ARNT: variants seen among roughly 807,000 people sequenced by gnomAD.
ARNT encodes the protein class E basic helix-loop-helix protein 2.
In ARNT, 30 loss-of-function variants were observed where a neutral mutation model predicts 105.0. The observed-to-expected ratio is 0.29, with a 90% CI of 0.21 to 0.39. The LOEUF (loss-of-function observed/expected upper bound fraction) is 0.39, where lower values mean the gene tolerates loss of function less well. Ranked by LOEUF, ARNT falls within the 10% of genes least tolerant of loss-of-function variation. The pLI, the probability that ARNT is intolerant of heterozygous loss-of-function variation, is 1.00. For synonymous variants in ARNT, 304 were observed against 344.0 expected, an observed-to-expected ratio of 0.88 and a Z score of 1.29; for missense variants, 748 against 978.7, an observed-to-expected ratio of 0.76 and a Z score of 3.15.
intron 2 of ARNT, among the ~76,000 whole-genome samples, chr1:150,853,535 T>C (rs1411268226): frequency 6.6e-6 from 1 of 152,210 alleles, no homozygotes; most frequent in African/African-American, 2.4e-5. Flanking sequence ...TGATCTTACA[T>C]AAAGGAGTGA....
Position 150,834,642 on chromosome 1 carries a change from T to C in ARNT, c.701-2A>G. 6.2e-7 allele frequency: 1 copy of C among 1,613,562 alleles called. No homozygotes were observed. Among genetic ancestry groups the C allele is most frequent in the Non-Finnish European group, 8.5e-7 (1 of 1,179,622 alleles). ...CAGTCTTTAGATCCAGGATACGCCC[T>C]GAAGGAAGATGTGAAGAGCAGTCTG... On this transcript the variant is annotated splice_acceptor_variant, in intron 7 of 21. Coordinates refer to ENST00000358595, the MANE Select transcript of ARNT (RefSeq NM_001668.4). LOFTEE classifies it high-confidence loss of function.
intron 14 of ARNT, 33 bp from the exon 15 acceptor site, chr1:150,818,063 T>C: frequency 1.6e-6 from 2 of 1,269,440 alleles, no homozygotes; most frequent in African/African-American, 1.8e-5. Flanking sequence ...AAAGAGGGGG[T>C]GGAGAGGGAG....
chr1:150,814,320 T>G, intron 19 of ARNT, 81 bp from the exon 20 acceptor site: 2 of 1,343,392 alleles, frequency 1.5e-6, no homozygotes, highest in Non-Finnish European at 2.1e-6. Flanking sequence ...GAGTCAACAC[T>G]GTCAATCACT....
chr1:150,865,691 G>C (rs139795568), intron 1 of ARNT, among the ~76,000 whole-genome samples: 1 of 152,296 alleles, frequency 6.6e-6, no homozygotes, highest in East Asian at 1.9e-4. Flanking sequence ...AAAGGTGAAA[G>C]TGAGGGACCC....
chr1:150,813,721 C>A (rs587648334), intron 20 of ARNT, among the ~76,000 whole-genome samples: 1 of 151,676 alleles, frequency 6.6e-6, no homozygotes, highest in African/African-American at 2.4e-5. Flanking sequence ...CTCAGCTCAC[C>A]GCAACCTCTG....
Position 150,829,200 on chromosome 1 carries a change from T to A in ARNT, c.1060A>T (p.Met354Leu), listed in dbSNP as rs199767293. 7.4e-6 allele frequency: 12 copies of A among 1,614,042 alleles called. No homozygotes were observed. The highest frequency in any genetic ancestry group is 2.2e-5 in the East Asian group (1 of 44,896). Residue 354 changes from methionine (M) to leucine (L), a missense_variant, in exon 12 of 22, where the codon ATG (methionine) becomes TTG (leucine). By Grantham distance (15) the Met-to-Leu change is conservative. Around this residue, in one of 4 missense-constraint regions of ARNT, gnomAD observed 291 missense variants for 444.6 expected, o/e 0.65. Coordinates refer to ENST00000358595, the MANE Select transcript of ARNT (RefSeq NM_001668.4). ...TCTGTTGGTTGACAAACATTACTCA[T>A]GTCTGTACAGTTGGGAGAACTAGTT... The part of the protein sequence containing the change: ...QVTSSPNCTD[M>L]SNVCQPTEFI...
chr1:150,842,118 G>A (rs376906243), intron 5 of ARNT: 91 of 226,040 alleles, frequency 4.0e-4, no homozygotes, highest in African/African-American at 1.8e-3. Context: ...CAACTGGCAC[G>A]GTTGCATTCC....
At chr1:150,851,414 G>C (rs1286697807) in intron 3 of ARNT, among the ~76,000 whole-genome samples, 3 of 152,174 alleles carry the variant, frequency 2.0e-5, no homozygotes, top group South Asian at 4.1e-4. Flanking sequence ...TTGTCGAATA[G>C]AAAAGGGGGA....
chr1:150,834,804 A>T (rs1660001971), intron 7 of ARNT, 164 bp from the exon 8 acceptor site: 1 of 540,632 alleles, frequency 1.8e-6, no homozygotes, highest in Non-Finnish European at 3.4e-6. Context: ...TCAAGCCTAA[A>T]ATACTTCAAT....
intron 3 of ARNT, among the ~76,000 whole-genome samples, chr1:150,848,678 A>G (rs1009515848): frequency 3.9e-5 from 6 of 151,934 alleles, no homozygotes; most frequent in African/African-American, 1.5e-4. Context: ...ACAGGCACAC[A>G]CCAGCACTTC....
rs761957127 is a variant in ARNT at position 150,876,569 on chromosome 1, G to C, written c.-2C>G. ...GGGGTTGGCAGTAGTCGCCGCCATG[G>C]CCGCAGATGCCACCGCCGCCGCGCC... On this transcript the variant is annotated 5_prime_UTR_variant, in exon 1 of 22. Transcript: ENST00000358595. The C allele has an allele frequency of 2.6e-5, 40 of 1,544,408 alleles. No homozygotes were observed. The highest frequency in any genetic ancestry group is 4.0e-5 in the Admixed American group (2 of 50,312).
chr1:150,817,458 A>G (rs760384334), intron 15 of ARNT, 25 bp from the exon 16 acceptor site: 8 of 1,603,076 alleles, frequency 5.0e-6, no homozygotes, highest in Middle Eastern at 1.7e-4. Context: ...CCAGTTGACA[A>G]GACAAATAGA....
intron 14 of ARNT, among the ~76,000 whole-genome samples, chr1:150,820,654 C>G (rs1656862251): frequency 6.7e-6 from 1 of 148,364 alleles, no homozygotes; most frequent in Non-Finnish European, 1.5e-5. Context: ...GAGACCCTGT[C>G]TGAAAAAACA....
Position 150,817,140 on chromosome 1 carries a change from A to G in ARNT, c.1641T>C (p.Gly547=). 2 of 1,614,206 alleles carry G rather than the reference A, an allele frequency of 1.2e-6. No homozygotes were observed. The highest frequency in any genetic ancestry group is 8.5e-7 in the Non-Finnish European group (1 of 1,180,032). ...EHSKPLEKSD[G]LFAQDRDPRF... The stretch of plus-strand genomic sequence containing the variant: ...TTGGATCTCTATCCTGGGCAAATAA[A>G]CCATCTGACTTCTCAAGGGGCTTGC... Residue 547 remains glycine (G), a synonymous_variant, in exon 17 of 22, where the codon GGT becomes GGC. Transcript: ENST00000358595.
At chr1:150,861,617 C>G (rs1461086095) in intron 1 of ARNT, among the ~76,000 whole-genome samples, 1 of 152,126 alleles carries the variant, frequency 6.6e-6, no homozygotes, top group African/African-American at 2.4e-5. Context: ...CAAGACCACC[C>G]TGGGCAACAC....
chr1:150,876,584 GCCGCCGCGCCACCCC>G lies in ARNT; in HGVS notation c.-32_-18del, dbSNP rs1557987186. The G allele has an allele frequency of 1.4e-6, 2 of 1,476,796 alleles. No individual in the cohort carries two copies. Among genetic ancestry groups the G allele is most frequent in the Admixed American group, 4.8e-5 (2 of 42,076 alleles). 91.5% of individuals were successfully genotyped at this position (1,476,796 alleles called of 1,614,324 possible). A position where few individuals can be genotyped will look rare whatever the true frequency, so the allele number is the denominator to read the frequency against. The stretch of plus-strand genomic sequence containing the variant: ...CGCCGCCATGGCCGCAGATGCCACC[GCCGCCGCGCCACCCC>G]CCCCCCCAGTGGGAGGAGCCGCCGC... On this transcript the variant is annotated 5_prime_UTR_variant, in exon 1 of 22. Transcript: ENST00000358595.
rs10305654 is a variant in ARNT at position 150,868,402 on chromosome 1, G to A, written c.25+8141C>T. On this transcript the variant is annotated intron_variant, in intron 1 of 21. Coordinates refer to ENST00000358595, the MANE Select transcript of ARNT (RefSeq NM_001668.4). ...AACAAGCAGAAAGATAAGCAAAAAG[G>A]ACAAAGAAGGAACAATCAGTGATAA... Among the ~76,000 whole-genome samples the A allele has an allele frequency of 1.7e-3, 254 of 152,270 alleles. 1 individual carries two copies. The highest frequency in any genetic ancestry group is 0.013 in the South Asian group (63 of 4,826).
rs139539417 is a variant in ARNT, at chr1:150,839,679, C to A, written c.273-25G>T. The stretch of plus-strand genomic sequence containing the variant: ...CCTGCATGGAAAGAAAGAGAAGCCC[C>A]ATCCAGGTGGTCACATCTGGTCATT... On this transcript the variant is annotated intron_variant, in intron 5 of 21. Transcript: ENST00000358595. 35 of 1,600,358 alleles carry A rather than the reference C, an allele frequency of 2.2e-5. No individual in the cohort carries two copies. The African/African-American group carries it at 2.9e-4, about 13-fold the overall frequency.
chr1:150,862,307 A>G (rs1273466653), intron 1 of ARNT, among the ~76,000 whole-genome samples: 1 of 152,140 alleles, frequency 6.6e-6, no homozygotes, highest in African/African-American at 2.4e-5. Flanking sequence ...GACACATTTA[A>G]AACTCTGATT....
Sources: allele counts gnomAD v4.1 joint callset (sites outside exome capture counted in the v4.1 genomes callset), GRCh38; gene constraint gnomAD v4.1.1; regional missense constraint gnomAD v4.1.1; transcripts MANE v1.5; gene names NCBI Gene and HGNC (gene_info 2026-07-23, HGNC 2026-07-21).